The following CAPN6 variants were observed in gnomAD, a reference collection of about 807,000 sequenced individuals.
CAPN6 encodes calpain 6, also known as calpain-6.
A neutral mutation model predicts 46.0 loss-of-function variants in CAPN6; 16 were observed. The observed-to-expected ratio is 0.35, with a 90% CI of 0.24 to 0.53. The LOEUF is 0.53. CAPN6 is among the 20% of genes least tolerant of loss of function. The probability of loss-of-function intolerance (pLI) is 0.94; values close to 1 mark genes in which losing one functional copy is unlikely to be tolerated. For missense variants in CAPN6, 461 were observed against 498.0 expected, an observed-to-expected ratio of 0.93 and a Z score of 0.71; for synonymous variants, 206 against 172.8, an observed-to-expected ratio of 1.19 and a Z score of -1.51.
intron 3 of CAPN6, 82 bp downstream of exon 3, chrX:111,254,190 T>C (rs772099447): frequency 1.9e-6 from 2 of 1,068,852 alleles, no homozygotes; most frequent in Admixed American, 2.7e-5. Flanking sequence ...TCTAAGGAAG[T>C]TATGCGCTGA....
At chrX:111,254,762 C>T (rs1287903805) in intron 2 of CAPN6, among the ~76,000 whole-genome samples, 1 of 111,448 alleles carries the variant, frequency 9.0e-6, no homozygotes, top group Non-Finnish European at 1.9e-5. Context: ...TAGTACATTA[C>T]ATTCTGATCC....
At chrX:111,253,733 T>A (rs187455089) in intron 3 of CAPN6, among the ~76,000 whole-genome samples, 1 of 112,563 alleles carries the variant, frequency 8.9e-6, no homozygotes, top group African/African-American at 3.2e-5. Context: ...CACATTAATA[T>A]TCTAAAATTA....
Position 111,251,674 on chromosome X carries a change from C to T in CAPN6, c.768G>A (p.Met256Ile). ...WGLLKGHTYT[M>I]TDIRKIRLGE... ...CAAGACGAATTTTGCGAATATCAGT[C>T]ATGGTATAGGTATGGCCCTTCAGCA... The change falls in exon 6 of 13, where the codon ATG becomes ATA. Residue 256 changes from methionine (M) to isoleucine (I), a missense_variant. Met to Ile is a conservative substitution (Grantham distance 10). Transcript: ENST00000324068. The T allele has an allele frequency of 8.3e-7, 1 of 1,210,599 alleles. No homozygotes were observed. Among genetic ancestry groups the T allele is most frequent in the Non-Finnish European group, 1.1e-6 (1 of 894,508 alleles).
chrX:111,256,046 C>CA (rs2094983479), intron 2 of CAPN6, among the ~76,000 whole-genome samples: 1 of 111,616 alleles, frequency 9.0e-6, no homozygotes, highest in Non-Finnish European at 1.9e-5. Flanking sequence ...AAACTAAGCA[C>CA]AGTTTTTCCT....
chrX:111,247,848 C>G (rs1718649638), intron 11 of CAPN6, 23 bp downstream of exon 11: 1 of 1,202,781 alleles, frequency 8.3e-7, no homozygotes, highest in African/African-American at 1.8e-5. Flanking sequence ...TTTTGCTTTC[C>G]CAGACATTCC....
intron 1 of CAPN6, among the ~76,000 whole-genome samples, chrX:111,266,539 T>C (rs1377446853): frequency 8.9e-6 from 1 of 112,846 alleles, no homozygotes; most frequent in Non-Finnish European, 1.9e-5. Context: ...GATAAATGTC[T>C]TATGTGGAGA....
chrX:111,255,198 C>T (rs12011973), intron 2 of CAPN6, among the ~76,000 whole-genome samples: 9,861 of 111,470 alleles, frequency 0.088, 1,014 homozygotes, highest in African/African-American at 0.29. Flanking sequence ...TAACACAAAG[C>T]GATAGGGCAC....
At chrX:111,264,708 A>T (rs904671291) in intron 1 of CAPN6, among the ~76,000 whole-genome samples, 4 of 72,484 alleles carry the variant, frequency 5.5e-5, no homozygotes, top group Non-Finnish European at 8.9e-5. Context: ...TCTTTTCTTT[A>T]AAAAAAAAAA....
chrX:111,257,571 C>T (rs1350897616), intron 2 of CAPN6, among the ~76,000 whole-genome samples: 2 of 112,122 alleles, frequency 1.8e-5, no homozygotes, highest in Admixed American at 1.9e-4. Context: ...ACCTAGCAGC[C>T]AAACAGACTA....
At chrX:111,255,102 G>A (rs945040315) in intron 2 of CAPN6, among the ~76,000 whole-genome samples, 9 of 111,858 alleles carry the variant, frequency 8.0e-5, no homozygotes, top group African/African-American at 2.9e-4. Context: ...TATTTGTTTG[G>A]AATGTATGTG....
rs1162341599 is a variant in CAPN6 at position 111,246,655 on chromosome X, C to T, written c.1848G>A (p.Lys616=). 2 of 1,208,826 alleles carry T rather than the reference C, an allele frequency of 1.7e-6. No individual in the cohort carries two copies. Among genetic ancestry groups the T allele is most frequent in the Non-Finnish European group, 2.2e-6 (2 of 894,561 alleles). Reference sequence around the variant, plus strand: ...GCTTGACTTTGGCAGTTGGACCACCCTTCTTACGCAGGTACAGAGACTTCA... The same window carrying T: ...GCTTGACTTTGGCAGTTGGACCACCTTTCTTACGCAGGTACAGAGACTTCA... ...RDLKSLYLRK[K]GGPTAKVKQG... is the part of the protein sequence containing the mutation. Residue 616 remains lysine (K), a synonymous_variant, in exon 13 of 13, where the codon AAG becomes AAA. Transcript: ENST00000324068.
chrX:111,270,389 C>CCTG lies in CAPN6; in HGVS notation c.-37_-35dup, dbSNP rs750982720. On this transcript the variant is annotated 5_prime_UTR_variant, in exon 1 of 13. Transcript: ENST00000324068. The stretch of plus-strand genomic sequence containing the variant: ...TACTCACCTGAGTTATCCCAGGAGC[C>CCTG]CTGCTGCTGCTGCTGCTGCTGCTGC... 5,621 of 331,344 alleles carry CCTG rather than the reference C, an allele frequency of 0.017. 31 individuals are homozygous for CCTG. The highest frequency in any genetic ancestry group is 0.024 in the African/African-American group (936 of 39,378). 27.3% of individuals were successfully genotyped at this position (331,344 alleles called of 1,213,427 possible).
rs770847238 is a variant in CAPN6, at chrX:111,252,997, C to A, written c.506+11G>T. On this transcript the variant is annotated intron_variant, in intron 4 of 12. Transcript: ENST00000324068. Reference sequence around the variant, plus strand: ...GTACCCTGATAGCAGACTAGTCAATCACCTCCTTACTTTGCATAAGCTTTT... The same window carrying A: ...GTACCCTGATAGCAGACTAGTCAATAACCTCCTTACTTTGCATAAGCTTTT... The A allele has an allele frequency of 8.4e-7, 1 of 1,190,312 alleles. No individual in the cohort carries two copies. The highest frequency in any genetic ancestry group is 1.7e-5 in the African/African-American group (1 of 57,322).
intron 2 of CAPN6, among the ~76,000 whole-genome samples, chrX:111,255,239 T>C (rs1421066403): frequency 2.7e-5 from 3 of 112,309 alleles, no homozygotes; most frequent in Non-Finnish European, 5.6e-5. Flanking sequence ...ATAATTCATG[T>C]CTAAAGGAAG....
In CAPN6 at chrX:111,252,458, G is replaced by C. The variant is rs1236829933; in HGVS notation, c.548C>G (p.Thr183Ser). The stretch of plus-strand genomic sequence containing the variant: ...GCCCGTGAAGTCCACAATAATATCA[G>C]TGATGGTCAAACCATCCAGGGCCTC... Reference protein sequence around the residue: ...CYEALDGLTITDIIVDFTGTL... With the variant: ...CYEALDGLTISDIIVDFTGTL... The change falls in exon 5 of 13, where the codon ACT (threonine) becomes AGT (serine). Residue 183 changes from threonine (T) to serine (S), a missense_variant. Coordinates refer to ENST00000324068, the MANE Select transcript of CAPN6 (RefSeq NM_014289.4). The C allele has an allele frequency of 8.3e-7, 1 of 1,210,340 alleles. No homozygotes were observed. The highest frequency in any genetic ancestry group is 1.1e-6 in the Non-Finnish European group (1 of 894,796).
At chrX:111,263,238 G>C (rs2094989275) in intron 2 of CAPN6, among the ~76,000 whole-genome samples, 1 of 111,847 alleles carries the variant, frequency 8.9e-6, no homozygotes, top group Admixed American at 9.5e-5. Flanking sequence ...ATGCCCTTTA[G>C]TGGGTGACTA....
At chrX:111,262,300 G>A (rs1265860478) in intron 2 of CAPN6, among the ~76,000 whole-genome samples, 1 of 111,989 alleles carries the variant, frequency 8.9e-6, no homozygotes, top group Non-Finnish European at 1.9e-5. Context: ...ATTCTTTATA[G>A]GCAAAAACTA....
chrX:111,269,347 A>C (rs766027800), intron 1 of CAPN6, among the ~76,000 whole-genome samples: 1 of 112,431 alleles, frequency 8.9e-6, no homozygotes, highest in African/African-American at 3.2e-5. Flanking sequence ...TTAGCAGTCC[A>C]CAAATAATTT....
intron 10 of CAPN6, 71 bp downstream of exon 10, chrX:111,248,498 C>A: frequency 2.6e-6 from 2 of 760,964 alleles, no homozygotes; most frequent in Non-Finnish European, 4.1e-6. Flanking sequence ...AGAGGGGAGA[C>A]GGGTGAAGGG....
Sources: allele counts gnomAD v4.1 joint callset (sites outside exome capture counted in the v4.1 genomes callset), GRCh38; gene constraint gnomAD v4.1.1; transcripts MANE v1.5; gene names NCBI Gene and HGNC (gene_info 2026-07-23, HGNC 2026-07-21).